The following EIF4A2 variants were observed in gnomAD, a reference collection of about 807,000 sequenced individuals.
The protein encoded by EIF4A2 is eukaryotic initiation factor 4A-II.
EIF4A2 carries 9 observed loss-of-function variants against 50.6 expected under a neutral mutation model. The ratio of observed to expected loss-of-function variants is 0.18; its 90% confidence interval spans 0.11 to 0.31. The LOEUF (loss-of-function observed/expected upper bound fraction) is 0.31, where lower values mean the gene tolerates loss of function less well. Ranked by LOEUF, EIF4A2 falls within the 10% of genes least tolerant of loss-of-function variation. EIF4A2 has a pLI of 1.00. For synonymous variants in EIF4A2, 215 were observed against 164.4 expected (o/e 1.31, Z -2.35); for missense variants, 182 against 501.8 (o/e 0.36, Z 6.09).
chr3:186,789,298 G>C lies in EIF4A2; in HGVS notation c.*29G>C, dbSNP rs748201710. On this transcript the variant is annotated 3_prime_UTR_variant, in exon 11 of 11. Transcript: ENST00000323963. ...CTGGGATGAGAGTTTTGGATGCAGT[G>C]CTCGCTGTTGCTGAATAGGCGATCA... 6.3e-7 allele frequency: 1 copy of C among 1,586,930 alleles called. No homozygotes were observed. Among genetic ancestry groups the C allele is most frequent in the African/African-American group, 1.4e-5 (1 of 73,914 alleles).
intron 1 of EIF4A2, 100 bp downstream of exon 1, chr3:186,783,739 A>G (rs578054878): frequency 1.9e-6 from 3 of 1,581,588 alleles, no homozygotes; most frequent in Admixed American, 3.3e-5. Flanking sequence ...AAATTAATGG[A>G]CGTTTTCTTA....
rs11538616 is a variant in EIF4A2, at chr3:186,785,032, A to G, written c.279A>G (p.Gln93=). ...KTATFAISIL[Q]QLEIEFKETQ... ...CCACATTTGCTATTTCCATCCTGCA[A>G]CAGTTGGAGATTGAGTTCAAGGAGA... is the stretch of plus-strand genomic sequence containing the variant. The change falls in exon 4 of 11, where the codon CAA becomes CAG. Residue 93 remains glutamine (Q), a synonymous_variant. Coordinates refer to ENST00000323963, the MANE Select transcript of EIF4A2 (RefSeq NM_001967.4). 18 of 1,614,202 alleles carry G rather than the reference A, an allele frequency of 1.1e-5. No homozygotes were observed. The highest frequency in any genetic ancestry group is 1.1e-4 in the South Asian group (10 of 91,082).
chr3:186,784,075 G>A, intron 1 of EIF4A2: 2 of 441,628 alleles, frequency 4.5e-6, no homozygotes, highest in Non-Finnish European at 8.2e-6. Flanking sequence ...CGGAGGCGAC[G>A]GGACAGGACC....
At chr3:186,784,782 GT>G (rs1159269729) in intron 3 of EIF4A2, 86 bp downstream of exon 3, 4 of 1,605,650 alleles carry the variant, frequency 2.5e-6, no homozygotes, top group Non-Finnish European at 3.4e-6. Context: ...ACTAGCACCT[GT>G]TTGTATTCCT....
Position 186,789,128 on chromosome 3 carries a change from T to A in EIF4A2, c.1083T>A (p.Ile361=). 1.2e-6 allele frequency: 2 copies of A among 1,613,214 alleles called. No individual in the cohort carries two copies. Among genetic ancestry groups the A allele is most frequent in the Non-Finnish European group, 1.7e-6 (2 of 1,179,528 alleles). The change falls in exon 11 of 11, where the codon ATT becomes ATA. Residue 361 remains isoleucine (I), a synonymous_variant. Coordinates refer to ENST00000323963, the MANE Select transcript of EIF4A2 (RefSeq NM_001967.4). ...PTNRENYIHR[I]GRGGRFGRKG... is the part of the protein sequence containing the mutation. ...TCTGATTCTTTTTCTTACACAGAATTGGCAGAGGGGGTCGATTTGGGAGGA... is the reference window on the plus strand; with the variant it reads ...TCTGATTCTTTTTCTTACACAGAATAGGCAGAGGGGGTCGATTTGGGAGGA...
rs993912320 is a variant in EIF4A2 at position 186,784,873 on chromosome 3, G to T, written c.209-89G>T. On this transcript the variant is annotated intron_variant, in intron 3 of 10. Coordinates refer to ENST00000323963, the MANE Select transcript of EIF4A2 (RefSeq NM_001967.4). ...CTCATTGCTGATCACTTGATTATTT[G>T]GGCATAATGTTCCAAATGGAATACA... The T allele has an allele frequency of 1.9e-6, 3 of 1,607,730 alleles. No homozygotes were observed. The African/African-American group carries it at 4.0e-5, about 21-fold the overall frequency.
chr3:186,784,428 G>C lies in EIF4A2; in HGVS notation c.30-4G>C. The C allele has an allele frequency of 1.2e-6, 2 of 1,614,238 alleles. No individual in the cohort carries two copies. Among genetic ancestry groups the C allele is most frequent in the Non-Finnish European group, 1.7e-6 (2 of 1,180,038 alleles). On this transcript the variant is annotated splice_polypyrimidine_tract_variant and splice_region_variant and intron_variant, in intron 1 of 10. Transcript: ENST00000323963. ...GTGTCTGACTGCAGTATTCTTGTCA[G>C]CAGAGAACATGGCGGCCCAGAGGGA...
At chr3:186,786,676 CCTT>C (rs768764819) in intron 7 of EIF4A2, 31 bp downstream of exon 7, 7 of 1,612,300 alleles carry the variant, frequency 4.3e-6, no homozygotes, top group African/African-American at 1.4e-5. Context: ...CATTATTTTA[CCTT>C]CTTGTATAAG....
rs1452285754 is a variant in EIF4A2 at position 186,789,885 on chromosome 3, T to TATTC, written c.*618_*621dup. 1 of 836,886 alleles carries TATTC rather than the reference T, an allele frequency of 1.2e-6. No individual in the cohort carries two copies. The highest frequency in any genetic ancestry group is 1.9e-6 in the Non-Finnish European group (1 of 524,280). The allele number at this position is 836,886 out of a possible 1,614,324, so 51.8% of individuals were successfully genotyped here. A position where few individuals can be genotyped will look rare whatever the true frequency, so the allele number is the denominator to read the frequency against. On this transcript the variant is annotated 3_prime_UTR_variant, in exon 11 of 11. Transcript: ENST00000323963. ...AAGTTTGAATGTTAAATAAATTGTATATTCACTTTAAAGGTGCTTTTGGTC... is the reference window on the plus strand; with the variant it reads ...AAGTTTGAATGTTAAATAAATTGTATATTCATTCACTTTAAAGGTGCTTTTGGTC...
At chr3:186,786,449 C>A in intron 6 of EIF4A2, 53 bp from the exon 7 acceptor site, 9 of 1,591,588 alleles carry the variant, frequency 5.7e-6, no homozygotes, top group Non-Finnish European at 6.8e-6. Context: ...CAGACATTTT[C>A]CTTTGGGTAT....
At position 186,783,802 on chromosome 3, in the gene EIF4A2, G is replaced by C. The variant is rs182792761; in HGVS notation, c.29+163G>C. Reference sequence around the variant, plus strand: ...AAGCTTCCATGATGGGTAGGGCCCGGATTGTGGGGAGATAGGACGGTGGTG... The same window carrying C: ...AAGCTTCCATGATGGGTAGGGCCCGCATTGTGGGGAGATAGGACGGTGGTG... On this transcript the variant is annotated intron_variant, in intron 1 of 10. Coordinates refer to ENST00000323963, the MANE Select transcript of EIF4A2 (RefSeq NM_001967.4). 78 of 1,128,640 alleles carry C rather than the reference G, an allele frequency of 6.9e-5. No homozygotes were observed. The African/African-American group carries it at 1.0e-3, about 15-fold the overall frequency. 69.9% of individuals were successfully genotyped at this position (1,128,640 alleles called of 1,614,324 possible).
intron 4 of EIF4A2, 99 bp from the exon 5 acceptor site, chr3:186,785,784 A>G (rs1250025027): frequency 6.8e-7 from 1 of 1,466,080 alleles, no homozygotes; most frequent in African/African-American, 1.4e-5. Flanking sequence ...TGCATGCATA[A>G]AAGCTGTTGG....
intron 10 of EIF4A2, 137 bp from the exon 11 acceptor site, chr3:186,788,985 TAGC>T (rs1721962391): frequency 8.1e-7 from 1 of 1,239,660 alleles, no homozygotes; most frequent in Admixed American, 3.0e-5. Flanking sequence ...AGATATGCAT[TAGC>T]AGCTAGTGCT....
chr3:186,784,834 A>C, intron 3 of EIF4A2, 128 bp from the exon 4 acceptor site: 1 of 1,599,372 alleles, frequency 6.3e-7, no homozygotes, highest in African/African-American at 1.3e-5. Context: ...GACTGACCTG[A>C]AATGAAGAGA....
At chr3:186,783,828 C>A (rs1393697492) in intron 1 of EIF4A2, 189 bp downstream of exon 1, 3 of 881,318 alleles carry the variant, frequency 3.4e-6, no homozygotes, top group African/African-American at 1.7e-5. Flanking sequence ...GACGGTGGTG[C>A]GAAAGCAGTG....
At chr3:186,786,409 A>C in intron 6 of EIF4A2, 93 bp from the exon 7 acceptor site, 3 of 1,548,342 alleles carry the variant, frequency 1.9e-6, no homozygotes, top group East Asian at 2.3e-5. Context: ...GTCTACCTTC[A>C]TTCCGTAGTA....
At chr3:186,787,084 G>GA in intron 7 of EIF4A2, 43 bp from the exon 8 acceptor site, 1 of 1,609,752 alleles carries the variant, frequency 6.2e-7, no homozygotes, top group Non-Finnish European at 8.5e-7. Flanking sequence ...TGAAGAGTTG[G>GA]AAAAACTAAA....
intron 9 of EIF4A2, 103 bp from the exon 10 acceptor site, chr3:186,787,700 A>T: frequency 6.3e-7 from 1 of 1,581,650 alleles, no homozygotes; most frequent in Non-Finnish European, 8.7e-7. Flanking sequence ...CACACTCCAC[A>T]GTGGGCTATA....
intron 1 of EIF4A2, chr3:186,784,174 GCGCTCCGAGCTCTCGCGAGA>G (rs1417019923): frequency 1.6e-5 from 9 of 561,680 alleles, no homozygotes; most frequent in Non-Finnish European, 2.5e-5. Context: ...GCGGAGTTCG[GCGCTCCGAGCTCTCGCGAGA>G]CGCTCCGCAG....
Sources: allele counts gnomAD v4.1 joint callset, GRCh38; gene constraint gnomAD v4.1.1; transcripts MANE v1.5; gene names NCBI Gene and HGNC (gene_info 2026-07-23, HGNC 2026-07-21).